Variants in PCDHA4 observed in about 807,000 individuals in gnomAD.
PCDHA4 encodes protocadherin alpha-4.
A neutral mutation model predicts 61.4 loss-of-function variants in PCDHA4; 49 were observed. The observed-to-expected ratio is 0.80, with a 90% CI of 0.63 to 1.01. The LOEUF (loss-of-function observed/expected upper bound fraction) is 1.01. Among genes scored for constraint, PCDHA4 ranks in the 50% least tolerant of loss-of-function variants. The pLI is 0.00. For missense variants in PCDHA4, 1,254 were observed against 1,235.8 expected (o/e 1.01, Z -0.22); for synonymous variants, 590 against 550.3 (o/e 1.07, Z -1.01).
chr5:140,850,347 G>T, intron 1 of PCDHA4: 9 of 1,597,856 alleles, frequency 5.6e-6, no homozygotes, highest in Non-Finnish European at 7.7e-6. Flanking sequence ...AACGGCCAGC[G>T]CGAGCATCCC....
intron 1 of PCDHA4, among the ~76,000 whole-genome samples, chr5:140,837,878 C>T (rs1554136685): frequency 6.6e-6 from 1 of 151,624 alleles, no homozygotes; most frequent in Non-Finnish European, 1.5e-5. Context: ...AGGGTGGAGT[C>T]TTGTTTCCCA....
chr5:140,826,336 T>C (rs1768901629), intron 1 of PCDHA4, among the ~76,000 whole-genome samples: 1 of 152,166 alleles, frequency 6.6e-6, no homozygotes, highest in African/African-American at 2.4e-5. Flanking sequence ...GTTAAGAAAT[T>C]GAACCCTTTG....
chr5:141,000,367 C>G (rs1158701279), intron 3 of PCDHA4, among the ~76,000 whole-genome samples: 1 of 18,506 alleles, frequency 5.4e-5, no homozygotes, highest in Admixed American at 6.5e-4. Flanking sequence ...CTCTGTCTCT[C>G]TCTCTCTCTC....
intron 1 of PCDHA4, chr5:140,928,748 G>T (rs191251073): frequency 6.2e-7 from 1 of 1,614,114 alleles, no homozygotes; most frequent in Admixed American, 1.7e-5. Flanking sequence ...GGTGAGCTCC[G>T]TACTGCTCGC....
intron 1 of PCDHA4, among the ~76,000 whole-genome samples, chr5:140,880,863 T>C (rs1312869588): frequency 6.6e-6 from 1 of 152,170 alleles, no homozygotes; most frequent in Non-Finnish European, 1.5e-5. Flanking sequence ...TCTAATTATG[T>C]GAAGAGGTAA....
chr5:140,978,688 G>A (rs1258023605), intron 1 of PCDHA4, among the ~76,000 whole-genome samples: 2 of 152,238 alleles, frequency 1.3e-5, no homozygotes, highest in African/African-American at 4.8e-5. Context: ...TATTGGGCAA[G>A]GCAAAGCCAA....
chr5:140,998,965 G>C (rs1320225650), intron 3 of PCDHA4, among the ~76,000 whole-genome samples: 1 of 152,232 alleles, frequency 6.6e-6, no homozygotes, highest in Non-Finnish European at 1.5e-5. Context: ...TAATCAAATA[G>C]TATCCTAGAA....
At chr5:140,846,064 C>T (rs2150218418) in intron 1 of PCDHA4, among the ~76,000 whole-genome samples, 1 of 149,696 alleles carries the variant, frequency 6.7e-6, no homozygotes, top group East Asian at 1.9e-4. Flanking sequence ...TGTGGGAAAA[C>T]AGTTTTTTGG....
rs983313958 is a variant in PCDHA4 at position 140,856,486 on chromosome 5, G to A, written c.2385+46914G>A. The A allele has an allele frequency of 4.4e-6, 7 of 1,598,346 alleles. No homozygotes were observed. The Middle Eastern group carries it at 1.0e-3, about 228-fold the overall frequency. On this transcript the variant is annotated intron_variant, in intron 1 of 3. Transcript: ENST00000530339. ...AGCTCTCAATACCTGAATCCAGACTGCTTGACTCTCGATTTCCACTAGAAG... is the reference window on the plus strand; with the variant it reads ...AGCTCTCAATACCTGAATCCAGACTACTTGACTCTCGATTTCCACTAGAAG...
At chr5:140,942,546 TA>T (rs1380022033) in intron 1 of PCDHA4, among the ~76,000 whole-genome samples, 4 of 150,044 alleles carry the variant, frequency 2.7e-5, no homozygotes, top group African/African-American at 9.8e-5. Flanking sequence ...TGGTGGGGGG[TA>T]GGGGGTTGAG....
chr5:140,863,279 T>C, intron 1 of PCDHA4: 1 of 1,461,288 alleles, frequency 6.8e-7, no homozygotes, highest in East Asian at 3.4e-5. Context: ...CTGGTGGATG[T>C]CAACGTGTAC....
intron 1 of PCDHA4, among the ~76,000 whole-genome samples, chr5:140,871,781 T>C (rs2053304252): frequency 6.6e-6 from 1 of 152,238 alleles, no homozygotes. Flanking sequence ...CTGTAGTCAC[T>C]TGAGTAGAAA....
At chr5:140,877,097 T>A in intron 1 of PCDHA4, 1 of 1,613,308 alleles carries the variant, frequency 6.2e-7, no homozygotes, top group Non-Finnish European at 8.5e-7. Context: ...GACGCCGGCG[T>A]GCCGCCTCTG....
intron 1 of PCDHA4, chr5:140,966,378 G>A: frequency 2.5e-6 from 1 of 405,124 alleles, no homozygotes; most frequent in African/African-American, 2.1e-5. Flanking sequence ...AGCAGTCCGG[G>A]TTCGCTGTCC....
chr5:140,872,560 A>G (rs944323027), intron 1 of PCDHA4, among the ~76,000 whole-genome samples: 1 of 152,156 alleles, frequency 6.6e-6, no homozygotes, highest in African/African-American at 2.4e-5. Context: ...CCAGGGGTTC[A>G]GGGCTGCAGT....
chr5:140,842,292 A>C (rs2150333564), intron 1 of PCDHA4: 1 of 1,610,470 alleles, frequency 6.2e-7, no homozygotes, highest in African/African-American at 1.3e-5. Context: ...GACGCCACGG[A>C]CAAAGGCCAT....
chr5:140,858,160 G>A, intron 1 of PCDHA4: 1 of 1,597,718 alleles, frequency 6.3e-7, no homozygotes, highest in Non-Finnish European at 8.6e-7. Flanking sequence ...CCATCTGCGC[G>A]GTGTCCAGCT....
At chr5:140,884,104 G>C in intron 1 of PCDHA4, 1 of 1,613,464 alleles carries the variant, frequency 6.2e-7, no homozygotes, top group African/African-American at 1.3e-5. Flanking sequence ...ATGAATTGCA[G>C]CTGGCGGCGG....
chr5:140,876,195 G>T lies in PCDHA4; in HGVS notation c.2385+66623G>T, dbSNP rs1554168359. On this transcript the variant is annotated intron_variant, in intron 1 of 3. Transcript: ENST00000530339. The stretch of plus-strand genomic sequence containing the variant: ...TGGATGTGAATGACAATGGTCCGGC[G>T]TTTGATAAGCCCAGCTATAAAGTAG... 4 of 1,613,946 alleles carry T rather than the reference G, an allele frequency of 2.5e-6. No homozygotes were observed. In the South Asian group the frequency reaches 4.4e-5, roughly 18 times the overall value.
Sources: allele counts gnomAD v4.1 joint callset (sites outside exome capture counted in the v4.1 genomes callset), GRCh38; gene constraint gnomAD v4.1.1; transcripts MANE v1.5; gene names NCBI Gene and HGNC (gene_info 2026-07-23, HGNC 2026-07-21).